Variants in ASPHD1 observed in about 807,000 individuals in gnomAD.
The protein encoded by ASPHD1 is aspartate beta-hydroxylase domain containing 1, also known as aspartate beta-hydroxylase domain-containing protein 1.
ASPHD1 carries 20 observed loss-of-function variants against 28.3 expected under a neutral mutation model. The observed-to-expected ratio is 0.71, with a 90% CI of 0.50 to 1.03. The LOEUF (loss-of-function observed/expected upper bound fraction) is 1.03, where lower values mean the gene tolerates loss of function less well. ASPHD1 is among the 50% of genes least tolerant of loss of function. The pLI, the probability that ASPHD1 is intolerant of heterozygous loss-of-function variation, is 0.00. For synonymous variants in ASPHD1, 240 were observed against 221.2 expected (o/e 1.08, Z -0.75); for missense variants, 479 against 524.1 (o/e 0.91, Z 0.84).
chr16:29,902,883 CTTTTTCTT>C (rs1363439844), intron 1 of ASPHD1, among the ~76,000 whole-genome samples: 1 of 107,562 alleles, frequency 9.3e-6, no homozygotes, highest in East Asian at 2.4e-4. Flanking sequence ...GAGATTTTTT[CTTTTTCTT>C]TTTTTTTTTT....
intron 1 of ASPHD1, among the ~76,000 whole-genome samples, chr16:29,904,444 CA>C (rs527335929): frequency 2.0e-4 from 27 of 137,184 alleles, no homozygotes; most frequent in East Asian, 4.2e-4. Context: ...GACTACATCT[CA>C]AAAAAAAAAA....
chr16:29,905,553 G>C (rs900073573), intron 2 of ASPHD1, among the ~76,000 whole-genome samples: 2 of 150,936 alleles, frequency 1.3e-5, no homozygotes, highest in Admixed American at 1.3e-4. Flanking sequence ...GCTTGAACCT[G>C]GGAGGCCAAG....
Position 29,901,236 on chromosome 16 carries a change from T to C in ASPHD1, c.265T>C (p.Ser89Pro). The change falls in exon 1 of 3, where the codon TCC becomes CCC. Residue 89 changes from serine to proline, a missense_variant. Ser to Pro is a moderately conservative substitution (Grantham distance 74). Coordinates refer to ENST00000308748, the MANE Select transcript of ASPHD1 (RefSeq NM_181718.4). This position sits in a 1 kb window ranked among gnomAD's most constrained non-coding sequence, Gnocchi z 5.1. ...ALTLLFGALT[S>P]LFLWYCYRLG... Reference sequence around the variant, plus strand: ...CACCTTGCTCTTCGGGGCCCTCACTTCCCTGTTCCTCTGGTACTGCTACCG... The same window carrying C: ...CACCTTGCTCTTCGGGGCCCTCACTCCCCTGTTCCTCTGGTACTGCTACCG... 6.2e-7 allele frequency: 1 copy of C among 1,613,596 alleles called. No individual in the cohort carries two copies. The highest frequency in any genetic ancestry group is 8.5e-7 in the Non-Finnish European group (1 of 1,179,910).
At position 29,900,888 on chromosome 16, in the gene ASPHD1, G is replaced by A; in HGVS notation, c.-84G>A. On this transcript the variant is annotated 5_prime_UTR_variant, in exon 1 of 3. Coordinates refer to ENST00000308748, the MANE Select transcript of ASPHD1 (RefSeq NM_181718.4). ...CTGCTGGAAGGAGAAAGAAGAGGGT[G>A]AGGAGGCGACAGAGGGAGAGGAGGA... 1.6e-6 allele frequency: 2 copies of A among 1,224,584 alleles called. No homozygotes were observed. Among genetic ancestry groups the A allele is most frequent in the Non-Finnish European group, 2.3e-6 (2 of 862,078 alleles). 75.9% of individuals were successfully genotyped at this position (1,224,584 alleles called of 1,614,324 possible).
At chr16:29,909,437 T>C (rs990664271), downstream of ASPHD1, among the ~76,000 whole-genome samples, 7 of 152,188 alleles carry the variant, frequency 4.6e-5, no homozygotes, top group Admixed American at 2.6e-4. Flanking sequence ...GACTGTGGTG[T>C]ACCTGAGGCA....
chr16:29,901,670 G>C lies in ASPHD1; in HGVS notation c.699G>C (p.Gly233=). Residue 233 remains glycine, a synonymous_variant, in exon 1 of 3, where the codon GGG becomes GGC. Coordinates refer to ENST00000308748, the MANE Select transcript of ASPHD1 (RefSeq NM_181718.4). This position sits in a 1 kb window ranked among gnomAD's most constrained non-coding sequence, Gnocchi z 5.1. Reference sequence around the variant, plus strand: ...GGGCTGTGAGCTGGGACTTCTCAGGGACTACCCCTCCGCCTCGGGGCTGGT... The same window carrying C: ...GGGCTGTGAGCTGGGACTTCTCAGGCACTACCCCTCCGCCTCGGGGCTGGT... ...DFGAVSWDFS[G]TTPPPRGWSP... is the part of the protein sequence containing the mutation. 3 of 1,584,286 alleles carry C rather than the reference G, an allele frequency of 1.9e-6. No homozygotes were observed. Among genetic ancestry groups the C allele is most frequent in the African/African-American group, 1.3e-5 (1 of 74,102 alleles).
chr16:29,901,007 A>G lies in ASPHD1; in HGVS notation c.36A>G (p.Arg12=). ...GGAGAGGGAGCTTCAGCGTGGAGAG[A>G]GGACCGCGGAAGGAGAGAGAGACAG... ...KEGRGSFSVE[R]GPRKERETAQ... is the part of the protein sequence containing the mutation. The change falls in exon 1 of 3, where the codon AGA becomes AGG. Residue 12 remains arginine, a synonymous_variant. Coordinates refer to ENST00000308748, the MANE Select transcript of ASPHD1 (RefSeq NM_181718.4). This position sits in a 1 kb window ranked among gnomAD's most constrained non-coding sequence, Gnocchi z 5.1. 6.4e-7 allele frequency: 1 copy of G among 1,564,018 alleles called. No homozygotes were observed. The highest frequency in any genetic ancestry group is 8.7e-7 in the Non-Finnish European group (1 of 1,153,772).
intron 3 of ASPHD1, chr16:29,911,682 G>A (rs937345967): frequency 1.0e-5 from 9 of 896,704 alleles, no homozygotes; most frequent in South Asian, 1.5e-5. Context: ...GGGGTAAGAG[G>A]CGAAGCCGAA....
intron 3 of ASPHD1, chr16:29,913,121 A>AT (rs35756092): frequency 0.096 from 12,207 of 126,832 alleles, 723 homozygotes; most frequent in Non-Finnish European, 0.13. Flanking sequence ...TACTGAGGCC[A>AT]TTTTTTTTTT....
In ASPHD1 at chr16:29,901,861, C is replaced by T. The variant is rs1175409924; in HGVS notation, c.890C>T (p.Pro297Leu). 6.5e-7 allele frequency: 1 copy of T among 1,539,844 alleles called. No individual in the cohort carries two copies. The highest frequency in any genetic ancestry group is 1.4e-5 in the African/African-American group (1 of 71,958). The change falls in exon 1 of 3, where the codon CCT (proline) becomes CTT (leucine). Residue 297 changes from proline (P) to leucine (L), a missense_variant. Transcript: ENST00000308748. This position sits in a 1 kb window ranked among gnomAD's most constrained non-coding sequence, Gnocchi z 5.1. ...FGNAGFSVLLPGARLEGRCGP... is the reference protein window; with the variant it reads ...FGNAGFSVLLLGARLEGRCGP... ...AATGCCGGCTTTTCCGTTCTCCTGC[C>T]TGGGGCCCGGCTCGAGGGCCGCTGT... is the stretch of plus-strand genomic sequence containing the variant.
intron 3 of ASPHD1, chr16:29,913,349 C>T (rs966893958): frequency 8.5e-5 from 13 of 152,072 alleles, no homozygotes; most frequent in African/African-American, 2.9e-4. Context: ...GGCACAGAAA[C>T]AAAAATACCT....
At chr16:29,910,605 T>C (rs1188797041), downstream of ASPHD1, among the ~76,000 whole-genome samples, 2 of 152,112 alleles carry the variant, frequency 1.3e-5, no homozygotes, top group Non-Finnish European at 2.9e-5. Context: ...GTGATCCTCC[T>C]GCCTTGGCCT....
chr16:29,908,622 G>T (rs561405384), downstream of ASPHD1, among the ~76,000 whole-genome samples: 1 of 151,048 alleles, frequency 6.6e-6, no homozygotes, highest in Admixed American at 6.6e-5. Context: ...CTGACCTCGT[G>T]ATCTGCCCGC....
chr16:29,908,009 G>C (rs1435529575), downstream of ASPHD1, among the ~76,000 whole-genome samples: 1 of 151,514 alleles, frequency 6.6e-6, no homozygotes, highest in East Asian at 1.9e-4. Flanking sequence ...GAGAGAGAAA[G>C]AGATACATCA....
chr16:29,908,220 CCA>C (rs2068646686), downstream of ASPHD1, among the ~76,000 whole-genome samples: 1 of 151,862 alleles, frequency 6.6e-6, no homozygotes, highest in African/African-American at 2.4e-5. Flanking sequence ...AGGAGTGCAC[CCA>C]GTGTCTTACT....
chr16:29,907,451 G>T (rs943557199), downstream of ASPHD1, among the ~76,000 whole-genome samples: 17 of 152,184 alleles, frequency 1.1e-4, no homozygotes, highest in African/African-American at 3.9e-4. Flanking sequence ...TCTGTCCTCA[G>T]GAGGTTACAT....
chr16:29,901,019 G>GGA lies in ASPHD1; in HGVS notation c.57_58dup (p.Thr20ArgfsTer48), dbSNP rs369015409. The stretch of plus-strand genomic sequence containing the variant: ...TCAGCGTGGAGAGAGGACCGCGGAA[G>GGA]GAGAGAGAGACAGCCCAGAGTGGAA... On this transcript the variant is annotated frameshift_variant, in exon 1 of 3. Transcript: ENST00000308748. LOFTEE classifies it high-confidence loss of function. The surrounding 1 kb of genome is among the most constrained non-coding windows in gnomAD (Gnocchi z 5.1). 5.1e-6 allele frequency: 8 copies of GGA among 1,573,948 alleles called. No homozygotes were observed. The highest frequency in any genetic ancestry group is 6.0e-6 in the Non-Finnish European group (7 of 1,158,984).
At chr16:29,905,003 T>G in intron 2 of ASPHD1, 38 bp downstream of exon 2, 1 of 1,503,024 alleles carries the variant, frequency 6.7e-7, no homozygotes, top group Middle Eastern at 1.7e-4. Context: ...GATGAGGGAC[T>G]CAGGAGCAAA....
At chr16:29,912,077 A>G in intron 3 of ASPHD1, 1 of 1,518,642 alleles carries the variant, frequency 6.6e-7, no homozygotes, top group Non-Finnish European at 9.0e-7. Context: ...GGTGGTTAAC[A>G]GCACAACCAA....
Sources: allele counts gnomAD v4.1 joint callset (sites outside exome capture counted in the v4.1 genomes callset), GRCh38; gene constraint gnomAD v4.1.1; non-coding constraint Gnocchi (gnomAD v3.1); transcripts MANE v1.5; gene names NCBI Gene and HGNC (gene_info 2026-07-23, HGNC 2026-07-21).